RUNDC3B: variants seen among roughly 807,000 people sequenced by gnomAD.
RUNDC3B encodes the protein RUN domain-containing protein 3B.
In RUNDC3B, 33 loss-of-function variants were observed where a neutral mutation model predicts 58.4. The observed-to-expected ratio is 0.56, with a 90% confidence interval of 0.43 to 0.75. The LOEUF is 0.75. RUNDC3B is among the 30% of genes least tolerant of loss of function. The pLI, the probability that RUNDC3B is intolerant of heterozygous loss-of-function variation, is 0.00. For missense variants in RUNDC3B, 501 were observed against 535.7 expected (o/e 0.94, Z 0.64); for synonymous variants, 193 against 195.2 (o/e 0.99, Z 0.10).
intron 9 of RUNDC3B, among the ~76,000 whole-genome samples, chr7:87,809,855 T>C (rs1293879789): frequency 6.6e-6 from 1 of 152,186 alleles, no homozygotes; most frequent in Non-Finnish European, 1.5e-5. Context: ...CTTCAAACTT[T>C]TAATATAAGC....
At position 87,735,090 on chromosome 7, in the gene RUNDC3B, T is replaced by TAA. The variant is rs1411487956; in HGVS notation, c.459-4701_459-4700insAA. On this transcript the variant is annotated intron_variant, in intron 4 of 10. Transcript: ENST00000394654. ...ACATTTAAACCTCTAGCTAGATAGT[T>TAA]CAGATATACTAATTTTTTTTCCCCT... Among the ~76,000 whole-genome samples, 4 of 152,304 alleles carry TAA rather than the reference T, an allele frequency of 2.6e-5. No homozygotes were observed. In the East Asian group the frequency reaches 7.7e-4, roughly 29 times the overall value.
rs534711950 is a variant in RUNDC3B, at chr7:87,721,844, G to C, written c.458+11189G>C. ...TCATCTGTTTCTTTGAGTTCTGCTT[G>C]AACTTTTGGAATATTTTCTGTGTAT... On this transcript the variant is annotated intron_variant, in intron 4 of 10. Coordinates refer to ENST00000394654, the MANE Select transcript of RUNDC3B (RefSeq NM_001134405.2). 1.4e-3 allele frequency among the ~76,000 whole-genome samples: 208 copies of C among 150,870 alleles called. 1 individual carries two copies. The highest frequency in any genetic ancestry group is 5.0e-3 in the African/African-American group (205 of 41,026).
At chr7:87,724,133 G>A (rs1384565065) in intron 4 of RUNDC3B, among the ~76,000 whole-genome samples, 1 of 152,056 alleles carries the variant, frequency 6.6e-6, no homozygotes, top group African/African-American at 2.4e-5. Context: ...TGAAGTGGGA[G>A]GATTGCTTGA....
chr7:87,630,769 G>A (rs539283943), intron 1 of RUNDC3B, among the ~76,000 whole-genome samples: 1 of 151,480 alleles, frequency 6.6e-6, no homozygotes, highest in Non-Finnish European at 1.5e-5. Context: ...TTCAGTGATG[G>A]GTACTGTTCC....
intron 2 of RUNDC3B, among the ~76,000 whole-genome samples, chr7:87,669,141 T>A (rs1392530014): frequency 6.6e-6 from 1 of 152,204 alleles, no homozygotes; most frequent in Non-Finnish European, 1.5e-5. Context: ...AAGAACTTGC[T>A]TTATGAATCT....
At chr7:87,667,732 A>T (rs1248909281) in intron 2 of RUNDC3B, among the ~76,000 whole-genome samples, 3 of 152,082 alleles carry the variant, frequency 2.0e-5, no homozygotes, top group Non-Finnish European at 4.4e-5. Context: ...TTCTGTGTCT[A>T]TTGAGATAAT....
rs756064932 is a variant in RUNDC3B, at chr7:87,644,766, T to G, written c.123-6056T>G. ...CTTATTCTCTCTGTGTATATATGGATATATATATATTAATGCAGAACATTA... is the reference window on the plus strand; with the variant it reads ...CTTATTCTCTCTGTGTATATATGGAGATATATATATTAATGCAGAACATTA... On this transcript the variant is annotated intron_variant, in intron 1 of 10. Coordinates refer to ENST00000394654, the MANE Select transcript of RUNDC3B (RefSeq NM_001134405.2). Among the ~76,000 whole-genome samples the G allele has an allele frequency of 2.2e-4, 34 of 151,944 alleles. 1 individual carries two copies. The highest frequency in any genetic ancestry group is 3.9e-4 in the Admixed American group (6 of 15,254).
At chr7:87,675,149 C>A (rs552793136) in intron 2 of RUNDC3B, among the ~76,000 whole-genome samples, 128 of 152,310 alleles carry the variant, frequency 8.4e-4, no homozygotes, top group African/African-American at 3.0e-3. Flanking sequence ...GGGCTAGGAA[C>A]AAGTCCCTGT....
At position 87,810,729 on chromosome 7, in the gene RUNDC3B, T is replaced by G. The variant is rs536049584; in HGVS notation, c.1103+3210T>G. 3.3e-5 allele frequency among the ~76,000 whole-genome samples: 5 copies of G among 152,342 alleles called. No individual in the cohort carries two copies. In the East Asian group the frequency reaches 9.6e-4, roughly 29 times the overall value. On this transcript the variant is annotated intron_variant, in intron 9 of 10. Transcript: ENST00000394654. Reference sequence around the variant, plus strand: ...TAATTTCGTTTATTTATCGATCACTTAGACCTGGCAAGATTAGTTAGACCC... The same window carrying G: ...TAATTTCGTTTATTTATCGATCACTGAGACCTGGCAAGATTAGTTAGACCC...
chr7:87,717,162 A>G (rs1001784680), intron 4 of RUNDC3B, among the ~76,000 whole-genome samples: 1 of 152,108 alleles, frequency 6.6e-6, no homozygotes, highest in African/African-American at 2.4e-5. Context: ...ATACAATCCA[A>G]AAGTGTTTTT....
At position 87,752,571 on chromosome 7, in the gene RUNDC3B, C is replaced by G. The variant is rs566552357; in HGVS notation, c.629+10992C>G. 7.1e-3 allele frequency among the ~76,000 whole-genome samples: 1,086 copies of G among 152,250 alleles called. 33 individuals carry two copies. Among genetic ancestry groups the G allele is most frequent in the Admixed American group, 0.061 (927 of 15,268 alleles). Reference sequence around the variant, plus strand: ...TTTCAGATCCTGTTATTGGTCTATTCAGAGATTCAACTTCTTCCTGGTTTA... The same window carrying G: ...TTTCAGATCCTGTTATTGGTCTATTGAGAGATTCAACTTCTTCCTGGTTTA... On this transcript the variant is annotated intron_variant, in intron 6 of 10. Coordinates refer to ENST00000394654, the MANE Select transcript of RUNDC3B (RefSeq NM_001134405.2).
intron 9 of RUNDC3B, 138 bp downstream of exon 9, chr7:87,807,657 G>A (rs1836509299): frequency 1.2e-5 from 8 of 663,882 alleles, no homozygotes; most frequent in Non-Finnish European, 1.8e-5. Flanking sequence ...GACTACTTTG[G>A]TAAGGTTAGA....
At position 87,628,729 on chromosome 7, in the gene RUNDC3B, C is replaced by G. The variant is rs1820868039; in HGVS notation, c.-95C>G. On this transcript the variant is annotated 5_prime_UTR_variant, in exon 1 of 11. Coordinates refer to ENST00000394654, the MANE Select transcript of RUNDC3B (RefSeq NM_001134405.2). ...CTCCTTTCCTACATCCTTCCCGCGC[C>G]CCCACGGTTGCGGACCGAGCGAGAA... 3 of 737,794 alleles carry G rather than the reference C, an allele frequency of 4.1e-6. No individual in the cohort carries two copies. Among genetic ancestry groups the G allele is most frequent in the Non-Finnish European group, 5.7e-6 (3 of 528,960 alleles). 45.7% of individuals were successfully genotyped at this position (737,794 alleles called of 1,614,324 possible).
At chr7:87,767,036 G>A (rs1356624068) in intron 6 of RUNDC3B, among the ~76,000 whole-genome samples, 2 of 151,894 alleles carry the variant, frequency 1.3e-5, no homozygotes, top group East Asian at 1.9e-4. Context: ...TACTGTTAAA[G>A]CTTTCAAATG....
At chr7:87,659,154 C>T in intron 2 of RUNDC3B, 1 of 397,004 alleles carries the variant, frequency 2.5e-6, no homozygotes, top group Non-Finnish European at 4.9e-6. Context: ...AGAATGAGAC[C>T]CTGTCTCAAA....
intron 8 of RUNDC3B, among the ~76,000 whole-genome samples, chr7:87,795,333 T>G (rs1489323625): frequency 6.6e-6 from 1 of 152,182 alleles, no homozygotes; most frequent in East Asian, 1.9e-4. Flanking sequence ...GAATTGATAT[T>G]TCTCAAAAGA....
chr7:87,829,798 T>G (rs1838037063), intron 10 of RUNDC3B, 87 bp from the exon 11 acceptor site: 4 of 983,214 alleles, frequency 4.1e-6, no homozygotes, highest in Non-Finnish European at 6.1e-6. Context: ...ACAGTATTGA[T>G]TCTTCCAATT....
At chr7:87,776,272 G>A (rs887475813) in intron 7 of RUNDC3B, among the ~76,000 whole-genome samples, 1 of 152,004 alleles carries the variant, frequency 6.6e-6, no homozygotes, top group South Asian at 2.1e-4. Flanking sequence ...CAGCAATATT[G>A]TTTATATTAA....
rs77779072 is a variant in RUNDC3B at position 87,762,583 on chromosome 7, T to C, written c.630-7998T>C. ...AGTCCATTTTGTATGATATTAAGAT[T>C]CCCACCAGTTTTCTTTTGTTTAATA... On this transcript the variant is annotated intron_variant, in intron 6 of 10. Transcript: ENST00000394654. 2.0e-3 allele frequency among the ~76,000 whole-genome samples: 300 copies of C among 151,628 alleles called. 7 individuals carry two copies. In the East Asian group the frequency reaches 0.044, roughly 22 times the overall value.
Sources: allele counts gnomAD v4.1 joint callset (sites outside exome capture counted in the v4.1 genomes callset), GRCh38; gene constraint gnomAD v4.1.1; transcripts MANE v1.5; gene names NCBI Gene and HGNC (gene_info 2026-07-23, HGNC 2026-07-21).